The following KDM1B variants were observed in gnomAD, a reference collection of about 807,000 sequenced individuals.
The protein encoded by KDM1B is lysine demethylase 1B.
In KDM1B, 63 loss-of-function variants were observed where a neutral mutation model predicts 107.4. The observed-to-expected ratio is 0.59, with a 90% CI of 0.48 to 0.72. KDM1B has a LOEUF of 0.72. Among genes scored for constraint, KDM1B ranks in the 30% least tolerant of loss-of-function variants. The probability of loss-of-function intolerance (pLI) is 0.00; values close to 1 mark genes in which losing one functional copy is unlikely to be tolerated. For missense variants in KDM1B, 749 were observed against 1,020.8 expected (o/e 0.73, Z 3.63); for synonymous variants, 363 against 363.9 (o/e 1.00, Z 0.03).
At chr6:18,180,679 C>T (rs577047399) in intron 7 of KDM1B, among the ~76,000 whole-genome samples, 7 of 152,280 alleles carry the variant, frequency 4.6e-5, no homozygotes, top group Middle Eastern at 3.4e-3. Context: ...GATTCTCCCA[C>T]GTCAGCCTCC....
chr6:18,211,940 C>A lies in KDM1B; in HGVS notation c.1867-548C>A. 1 of 154,650 alleles carries A rather than the reference C, an allele frequency of 6.5e-6. No homozygotes were observed. Among genetic ancestry groups the A allele is most frequent in the Non-Finnish European group, 1.4e-5 (1 of 72,796 alleles). The allele number at this position is 154,650 out of a possible 1,614,324, so 9.6% of individuals were successfully genotyped here. ...TCTTTCCTCCTCAAGTACTGCTTTT[C>A]GGGGTTTTGTTTTTTTTTTTTTTTT... On this transcript the variant is annotated intron_variant, in intron 17 of 21. Transcript: ENST00000650836. This position sits in a 1 kb window ranked among gnomAD's most constrained non-coding sequence, Gnocchi z 5.2.
At chr6:18,221,493 T>C (rs1789737166) in intron 21 of KDM1B, among the ~76,000 whole-genome samples, 1 of 152,200 alleles carries the variant, frequency 6.6e-6, no homozygotes, top group African/African-American at 2.4e-5. Context: ...GTATATCCTT[T>C]GAGTAACGTA....
At chr6:18,194,034 C>T (rs1052917135) in intron 10 of KDM1B, among the ~76,000 whole-genome samples, 3 of 151,990 alleles carry the variant, frequency 2.0e-5, no homozygotes, top group South Asian at 4.1e-4. Context: ...CCACCAAACC[C>T]GGCTAATTTT....
chr6:18,201,325 G>T lies in KDM1B; in HGVS notation c.1360-161G>T, dbSNP rs1001404892. ...AGATTTCATGCTGTTTTTTTTCACTGCCTGACTTTGCTGCCATTCCCCGTG... is the reference window on the plus strand; with the variant it reads ...AGATTTCATGCTGTTTTTTTTCACTTCCTGACTTTGCTGCCATTCCCCGTG... On this transcript the variant is annotated intron_variant, in intron 13 of 21. Transcript: ENST00000650836. The surrounding 1 kb of genome is among the most constrained non-coding windows in gnomAD (Gnocchi z 4.3). Among the ~76,000 whole-genome samples the T allele has an allele frequency of 1.3e-5, 2 of 151,898 alleles. No individual in the cohort carries two copies. Among genetic ancestry groups the T allele is most frequent in the Non-Finnish European group, 2.9e-5 (2 of 68,000 alleles).
rs2151019133 is a variant in KDM1B, at chr6:18,211,359, A to G, written c.1867-1129A>G. ...TGCAGATATTAGAAAGCAAATACACACACTCTTCCCCAACTCCCTACAGCA... is the reference window on the plus strand; with the variant it reads ...TGCAGATATTAGAAAGCAAATACACGCACTCTTCCCCAACTCCCTACAGCA... On this transcript the variant is annotated intron_variant, in intron 17 of 21. Transcript: ENST00000650836. The surrounding 1 kb of genome is among the most constrained non-coding windows in gnomAD (Gnocchi z 5.2). 3 of 152,280 alleles carry G rather than the reference A, an allele frequency of 2.0e-5. 1 individual carries two copies. Among genetic ancestry groups the G allele is most frequent in the Admixed American group, 2.0e-4 (3 of 15,288 alleles). The allele number at this position is 152,280 out of a possible 1,614,324, so 9.4% of individuals were successfully genotyped here.
chr6:18,202,828 A>G (rs1202879020), intron 14 of KDM1B, among the ~76,000 whole-genome samples: 2 of 152,142 alleles, frequency 1.3e-5, no homozygotes, highest in East Asian at 1.9e-4. Context: ...TAGGAGACCT[A>G]TGCTGTAATC....
At chr6:18,160,821 CAT>C (rs1243756640) in intron 3 of KDM1B, among the ~76,000 whole-genome samples, 2 of 133,104 alleles carry the variant, frequency 1.5e-5, no homozygotes, top group Middle Eastern at 3.7e-3. Flanking sequence ...TTTTTTGACT[CAT>C]GTCACTTTTT....
intron 8 of KDM1B, 76 bp downstream of exon 8, chr6:18,185,886 C>T: frequency 7.5e-7 from 1 of 1,333,614 alleles, no homozygotes; most frequent in Non-Finnish European, 1.1e-6. Flanking sequence ...ATGATAGTAA[C>T]AGCTTCATGA....
rs1054956603 is a variant in KDM1B, at chr6:18,201,716, A to G, written c.1531+59A>G. 13 of 1,405,158 alleles carry G rather than the reference A, an allele frequency of 9.3e-6. No homozygotes were observed. Among genetic ancestry groups the G allele is most frequent in the Non-Finnish European group, 1.2e-5 (12 of 1,037,804 alleles). 87.0% of individuals were successfully genotyped at this position (1,405,158 alleles called of 1,614,324 possible). On this transcript the variant is annotated intron_variant, in intron 14 of 21. Transcript: ENST00000650836. The surrounding 1 kb of genome is among the most constrained non-coding windows in gnomAD (Gnocchi z 4.3). ...TCAGTTTCGTTGTTACCTAAGCTTC[A>G]TCAGCAGTGGCATTGTTCATTTGCG...
intron 2 of KDM1B, among the ~76,000 whole-genome samples, chr6:18,156,269 G>A (rs558397263): frequency 2.6e-5 from 4 of 152,160 alleles, no homozygotes; most frequent in Admixed American, 6.5e-5. Flanking sequence ...GTTAGTCAAC[G>A]GCCGGGCAGC....
chr6:18,188,077 C>T (rs531661463), intron 9 of KDM1B, 75 bp downstream of exon 9: 22 of 1,319,588 alleles, frequency 1.7e-5, no homozygotes, highest in Admixed American at 4.0e-5. Context: ...GTGAGCAAAA[C>T]GCAAAGGATT....
chr6:18,206,531 A>G (rs958140844), intron 15 of KDM1B, among the ~76,000 whole-genome samples: 1 of 152,198 alleles, frequency 6.6e-6, no homozygotes. Context: ...GAGAAAAAAG[A>G]AATCAATCAC....
Position 18,185,752 on chromosome 6 carries a change from C to T in KDM1B, c.535-20C>T, listed in dbSNP as rs752931630. On this transcript the variant is annotated intron_variant, in intron 7 of 21. Coordinates refer to ENST00000650836, the MANE Select transcript of KDM1B (RefSeq NM_001364614.2). ...TATTTTATAAGCAACCCTAATTTAA[C>T]ACTTGGTTTTCTTTTGTAGCCTGAG... 5.6e-6 allele frequency: 9 copies of T among 1,610,386 alleles called. No homozygotes were observed. In the South Asian group the frequency reaches 6.6e-5, roughly 12 times the overall value.
intron 17 of KDM1B, among the ~76,000 whole-genome samples, chr6:18,210,956 T>C (rs541881275): frequency 6.6e-6 from 1 of 152,246 alleles, no homozygotes; most frequent in Non-Finnish European, 1.5e-5. Context: ...GCTGTGATCA[T>C]GCCACTGCAC....
chr6:18,183,314 C>G, intron 7 of KDM1B, among the ~76,000 whole-genome samples: 1 of 124,500 alleles, frequency 8.0e-6, no homozygotes, highest in Non-Finnish European at 1.6e-5. Context: ...ATTACCCAGG[C>G]TGGAGTGCAA....
chr6:18,179,376 G>A (rs1403641725), intron 7 of KDM1B, among the ~76,000 whole-genome samples: 2 of 152,048 alleles, frequency 1.3e-5, no homozygotes, highest in African/African-American at 2.4e-5. Context: ...AACCTTGTCG[G>A]GTTCTGCTTT....
Position 18,203,417 on chromosome 6 carries a change from T to C in KDM1B, c.1531+1760T>C, listed in dbSNP as rs1788171327. Among the ~76,000 whole-genome samples, 2 of 152,222 alleles carry C rather than the reference T, an allele frequency of 1.3e-5. No individual in the cohort carries two copies. Among genetic ancestry groups the C allele is most frequent in the Non-Finnish European group, 1.5e-5 (1 of 68,032 alleles). On this transcript the variant is annotated intron_variant, in intron 14 of 21. Coordinates refer to ENST00000650836, the MANE Select transcript of KDM1B (RefSeq NM_001364614.2). The surrounding 1 kb of genome is among the most constrained non-coding windows in gnomAD (Gnocchi z 5.5). ...ACATCTCTGTGTAAGGCTATAGTTA[T>C]ATCCTGCCTGTTGGTATCTTAGCTG...
chr6:18,171,593 C>T, intron 7 of KDM1B, 114 bp downstream of exon 7: 4 of 691,410 alleles, frequency 5.8e-6, no homozygotes, highest in Admixed American at 2.2e-5. Context: ...GTTGTATTTG[C>T]ATGCATGTAA....
chr6:18,161,990 T>C (rs774255310), intron 4 of KDM1B, among the ~76,000 whole-genome samples: 20 of 152,016 alleles, frequency 1.3e-4, no homozygotes, highest in Non-Finnish European at 2.6e-4. Context: ...AGGGTTAAGG[T>C]TCAATAAAAT....
Sources: gnomAD v4.1 joint callset for allele counts (sites outside exome capture counted in the v4.1 genomes callset) on GRCh38, gnomAD v4.1.1 for gene constraint, Gnocchi (gnomAD v3.1) non-coding constraint, MANE v1.5 for transcripts, NCBI Gene and HGNC (gene_info 2026-07-23, HGNC 2026-07-21) for gene names.